CEACAM20: variants seen among roughly 807,000 people sequenced by gnomAD.
CEACAM20 encodes the protein cell adhesion molecule CEACAM20.
Under a neutral mutation model 61.2 loss-of-function variants are expected in CEACAM20, and 50 were observed. The ratio of observed to expected loss-of-function variants is 0.82; its 90% CI spans 0.65 to 1.03. The LOEUF (loss-of-function observed/expected upper bound fraction) is 1.03. Ranked by LOEUF, CEACAM20 falls within the 50% of genes least tolerant of loss-of-function variation. The pLI, the probability that CEACAM20 is intolerant of heterozygous loss-of-function variation, is 0.00. For missense variants in CEACAM20, 683 were observed against 736.4 expected (o/e 0.93, Z 0.84); for synonymous variants, 282 against 287.7 (o/e 0.98, Z 0.20).
Position 44,511,158 on chromosome 19 carries a change from G to A in CEACAM20, c.1612-3C>T. The A allele has an allele frequency of 1.2e-6, 2 of 1,613,204 alleles. No individual in the cohort carries two copies. The highest frequency in any genetic ancestry group is 1.7e-6 in the Non-Finnish European group (2 of 1,179,658). On this transcript the variant is annotated splice_polypyrimidine_tract_variant and splice_region_variant and intron_variant, in intron 10 of 11. Transcript: ENST00000614924. ...CGGCTTGCTGAAGGCAGCTTCGTCT[G>A]CAAGTAAGCAGAGAAATTAGGCAGG...
chr19:44,511,700 T>C, intron 9 of CEACAM20, 28 bp from the exon 10 acceptor site: 1 of 1,609,844 alleles, frequency 6.2e-7, no homozygotes. Context: ...TGCAGAGAGG[T>C]CATAGGGCTT....
chr19:44,529,387 CA>C, intron 1 of CEACAM20, 70 bp downstream of exon 1: 1 of 1,305,028 alleles, frequency 7.7e-7, no homozygotes, highest in East Asian at 2.4e-5. Flanking sequence ...CACACACACA[CA>C]CACACACCGC....
rs536744477 is a variant in CEACAM20, at chr19:44,511,176, T to C, written c.1612-21A>G. 1.9e-5 allele frequency: 30 copies of C among 1,612,608 alleles called. No homozygotes were observed. The South Asian group carries it at 3.1e-4, about 17-fold the overall frequency. On this transcript the variant is annotated intron_variant, in intron 10 of 11. Coordinates refer to ENST00000614924, the MANE Select transcript of CEACAM20 (RefSeq NM_001102597.3). ...TTCGTCTGCAAGTAAGCAGAGAAAT[T>C]AGGCAGGGCCCACAGACACAGATTG...
At chr19:44,522,216 G>T (rs1481338111) in intron 4 of CEACAM20, among the ~76,000 whole-genome samples, 1 of 151,806 alleles carries the variant, frequency 6.6e-6, no homozygotes, top group Non-Finnish European at 1.5e-5. Flanking sequence ...CCATTCTCCT[G>T]CCTCAGCCTC....
At chr19:44,509,361 T>TAA (rs11308073) in intron 11 of CEACAM20, among the ~76,000 whole-genome samples, 5 of 145,034 alleles carry the variant, frequency 3.4e-5, no homozygotes, top group African/African-American at 1.3e-4. Flanking sequence ...GCAACGAAAT[T>TAA]AAAAAAAAAA....
rs556144643 is a variant in CEACAM20 at position 44,528,789 on chromosome 19, GTC to G, written c.52+667_52+668del. On this transcript the variant is annotated intron_variant, in intron 1 of 11. Coordinates refer to ENST00000614924, the MANE Select transcript of CEACAM20 (RefSeq NM_001102597.3). ...TTTTTTTCTGTCTCTGTCTCTCTGT[GTC>G]TGTTTCTCTCTCTGCCTCTGTCACT... is the stretch of plus-strand genomic sequence containing the variant. Among the ~76,000 whole-genome samples, 289 of 149,974 alleles carry G rather than the reference GTC, an allele frequency of 1.9e-3. 1 individual carries two copies. The highest frequency in any genetic ancestry group is 6.7e-3 in the African/African-American group (270 of 40,600).
chr19:44,511,350 A>G (rs1970993570), intron 10 of CEACAM20, among the ~76,000 whole-genome samples, 195 bp from the exon 11 acceptor site: 1 of 152,112 alleles, frequency 6.6e-6, no homozygotes, highest in Non-Finnish European at 1.5e-5. Context: ...TGGATCTGCA[A>G]CCTCTACTCC....
chr19:44,512,824 C>A (rs544772689), intron 8 of CEACAM20, 44 bp downstream of exon 8: 15 of 1,534,232 alleles, frequency 9.8e-6, no homozygotes, highest in Middle Eastern at 3.5e-4. Flanking sequence ...TCTTCCCCAG[C>A]CCTCACCCCT....
intron 11 of CEACAM20, among the ~76,000 whole-genome samples, chr19:44,508,471 C>A (rs1162358770): frequency 1.3e-5 from 2 of 152,178 alleles, no homozygotes; most frequent in African/African-American, 4.8e-5. Flanking sequence ...CTCACTGCAA[C>A]CTCCGCCTCC....
chr19:44,513,407 T>G, intron 6 of CEACAM20, 118 bp from the exon 7 acceptor site: 1 of 643,114 alleles, frequency 1.6e-6, no homozygotes, highest in Non-Finnish European at 2.7e-6. Context: ...TGTTTTCCAG[T>G]CGTTGGGAGG....
chr19:44,507,579 C>T (rs556211649), intron 11 of CEACAM20, among the ~76,000 whole-genome samples: 1 of 152,324 alleles, frequency 6.6e-6, no homozygotes, highest in Non-Finnish European at 1.5e-5. Context: ...AGAGAAACAG[C>T]TTCTTGATAG....
Position 44,512,891 on chromosome 19 carries a change from T to C in CEACAM20, c.1490A>G (p.Glu497Gly), listed in dbSNP as rs754675884. 3.7e-6 allele frequency: 6 copies of C among 1,613,718 alleles called. No homozygotes were observed. The South Asian group carries it at 6.6e-5, about 18-fold the overall frequency. The change falls in exon 8 of 12, where the codon GAG (glutamate) becomes GGG (glycine). Residue 497 changes from glutamate (E) to glycine (G), a missense_variant. By Grantham distance (98) the Glu-to-Gly change is moderately conservative. Coordinates refer to ENST00000614924, the MANE Select transcript of CEACAM20 (RefSeq NM_001102597.3). ...HETSQPIPKE[E>G]HPTEPSSESL... is the part of the protein sequence containing the mutation. The stretch of plus-strand genomic sequence containing the variant: ...ACCGGAACTGGGCTCTGTGGGGTGC[T>C]CCTCCTTCGGGATGGGTTGTGAGGT...
At chr19:44,510,481 C>G (rs1348465456) in intron 11 of CEACAM20, among the ~76,000 whole-genome samples, 4 of 148,272 alleles carry the variant, frequency 2.7e-5, no homozygotes, top group African/African-American at 1.0e-4. Flanking sequence ...TCACTGCACT[C>G]CAGTCTGGGT....
intron 3 of CEACAM20, among the ~76,000 whole-genome samples, chr19:44,523,191 T>C (rs1971422436): frequency 6.6e-6 from 1 of 152,026 alleles, no homozygotes; most frequent in Non-Finnish European, 1.5e-5. Flanking sequence ...AGAGAATTGC[T>C]TGGAGCAAGG....
At chr19:44,512,415 A>T (rs1568447795) in intron 8 of CEACAM20, among the ~76,000 whole-genome samples, 1 of 152,178 alleles carries the variant, frequency 6.6e-6, no homozygotes, top group Non-Finnish European at 1.5e-5. Context: ...AAAGCCTTCC[A>T]TATCAAAAGG....
Position 44,511,528 on chromosome 19 carries a change from T to C in CEACAM20, c.1611+109A>G, listed in dbSNP as rs2123560488. On this transcript the variant is annotated intron_variant, in intron 10 of 11. Coordinates refer to ENST00000614924, the MANE Select transcript of CEACAM20 (RefSeq NM_001102597.3). Reference sequence around the variant, plus strand: ...TCTTCCCATCCCTGGCCCTGTGATGTGCCATGAAATGTTTAGACAAGATGA... The same window carrying C: ...TCTTCCCATCCCTGGCCCTGTGATGCGCCATGAAATGTTTAGACAAGATGA... The C allele has an allele frequency of 3.6e-6, 4 of 1,113,132 alleles. 1 individual carries two copies. In the South Asian group the frequency reaches 5.5e-5, roughly 15 times the overall value. The allele number at this position is 1,113,132 out of a possible 1,614,324, so 69.0% of individuals were successfully genotyped here.
intron 3 of CEACAM20, 35 bp downstream of exon 3, chr19:44,523,951 C>T (rs1162521004): frequency 3.9e-6 from 6 of 1,528,022 alleles, no homozygotes; most frequent in Non-Finnish European, 5.3e-6. Flanking sequence ...AAGTGAGTGT[C>T]AGTGAGGGGT....
chr19:44,525,272 G>C, intron 1 of CEACAM20, 28 bp from the exon 2 acceptor site: 1 of 1,552,126 alleles, frequency 6.4e-7, no homozygotes, highest in Non-Finnish European at 8.7e-7. Flanking sequence ...AGGCATTCAG[G>C]GAGGGAGAGG....
At chr19:44,513,376 T>C (rs894550217) in intron 6 of CEACAM20, 87 bp from the exon 7 acceptor site, 6 of 837,828 alleles carry the variant, frequency 7.2e-6, no homozygotes, top group Middle Eastern at 2.3e-4. Flanking sequence ...GCTTTTTCTC[T>C]ACTGACATTT....
Sources: allele counts gnomAD v4.1 joint callset (sites outside exome capture counted in the v4.1 genomes callset), GRCh38; gene constraint gnomAD v4.1.1; transcripts MANE v1.5; gene names NCBI Gene and HGNC (gene_info 2026-07-23, HGNC 2026-07-21).